LMAN2L: variants seen among roughly 807,000 people sequenced by gnomAD.
The protein encoded by LMAN2L is VIP36-like protein.
In LMAN2L, 30 loss-of-function variants were observed where a neutral mutation model predicts 44.3. That is an observed-to-expected ratio of 0.68 (90% CI 0.51 to 0.92). LMAN2L has a LOEUF of 0.92. Ranked by LOEUF, LMAN2L falls within the 40% of genes least tolerant of loss-of-function variation. The pLI, the probability that LMAN2L is intolerant of heterozygous loss-of-function variation, is 0.00. For synonymous variants in LMAN2L, 183 were observed against 171.1 expected (o/e 1.07, Z -0.54); for missense variants, 429 against 446.1 (o/e 0.96, Z 0.35).
chr2:96,720,711 C>T (rs1199180328), intron 4 of LMAN2L, among the ~76,000 whole-genome samples: 3 of 152,144 alleles, frequency 2.0e-5, no homozygotes, highest in Non-Finnish European at 2.9e-5. Flanking sequence ...GAGGCTGAGG[C>T]GGGCAAATCA....
intron 6 of LMAN2L, among the ~76,000 whole-genome samples, chr2:96,709,038 C>T (rs1354145659): frequency 6.6e-6 from 1 of 151,728 alleles, no homozygotes; most frequent in African/African-American, 2.4e-5. Flanking sequence ...CCTCAGCCTC[C>T]CAAGTAGCTG....
intron 4 of LMAN2L, among the ~76,000 whole-genome samples, chr2:96,719,131 T>C (rs2078099392): frequency 6.6e-6 from 1 of 152,220 alleles, no homozygotes; most frequent in South Asian, 2.1e-4. Flanking sequence ...ATTTCACTGC[T>C]GACCATCATT....
chr2:96,734,471 C>T lies in LMAN2L; in HGVS notation c.362G>A (p.Gly121Glu). 6.2e-7 allele frequency: 1 copy of T among 1,614,014 alleles called. No homozygotes were observed. The highest frequency in any genetic ancestry group is 8.5e-7 in the Non-Finnish European group (1 of 1,179,886). Reference protein sequence around the residue: ...LQVHFKIHGQGKKNLHGDGLA... With the variant: ...LQVHFKIHGQEKKNLHGDGLA... ...GCCATCCCCATGCAGATTCTTCTTTCCTTGTCCATGGATTTTGAAGTGCAC... is the reference window on the plus strand; with the variant it reads ...GCCATCCCCATGCAGATTCTTCTTTTCTTGTCCATGGATTTTGAAGTGCAC... Residue 121 changes from glycine to glutamate, a missense_variant, in exon 3 of 8, where the codon GGA becomes GAA. Physicochemically the swap from Gly to Glu is moderately conservative, Grantham distance 98. Coordinates refer to ENST00000264963, the MANE Select transcript of LMAN2L (RefSeq NM_030805.4).
chr2:96,707,091 A>G lies in LMAN2L; in HGVS notation c.*165T>C. ...CCAGAGTTAGATGTCCCCATGCACA[A>G]CCATGGGAATGCGGGGTCCCTGCAT... On this transcript the variant is annotated 3_prime_UTR_variant, in exon 8 of 8. Coordinates refer to ENST00000264963, the MANE Select transcript of LMAN2L (RefSeq NM_030805.4). 1 of 624,978 alleles carries G rather than the reference A, an allele frequency of 1.6e-6. No homozygotes were observed. The highest frequency in any genetic ancestry group is 2.9e-5 in the East Asian group (1 of 33,926). 38.7% of individuals were successfully genotyped at this position (624,978 alleles called of 1,614,324 possible). A position where few individuals can be genotyped will look rare whatever the true frequency, so the allele number is the denominator to read the frequency against.
intron 4 of LMAN2L, among the ~76,000 whole-genome samples, chr2:96,724,145 G>A (rs547496858): frequency 6.6e-6 from 1 of 151,990 alleles, no homozygotes; most frequent in African/African-American, 2.4e-5. Flanking sequence ...TAAATGTGAC[G>A]TTTTATTTCC....
rs758856751 is a variant in LMAN2L, at chr2:96,707,354, T to C, written c.949A>G (p.Ile317Val). The stretch of plus-strand genomic sequence containing the variant: ...GAAAACACCAGGGAGAAAAAGACGA[T>C]GAGGAAGAGGGCCAGGCCACTCAGG... Reference protein sequence around the residue: ...PPLSGLALFLIVFFSLVFSVF... With the variant: ...PPLSGLALFLVVFFSLVFSVF... Residue 317 changes from isoleucine to valine, a missense_variant, in exon 8 of 8, where the codon ATC (isoleucine) becomes GTC (valine). Coordinates refer to ENST00000264963, the MANE Select transcript of LMAN2L (RefSeq NM_030805.4). 1.9e-6 allele frequency: 3 copies of C among 1,613,440 alleles called. No individual in the cohort carries two copies. The East Asian group carries it at 6.7e-5, about 36-fold the overall frequency.
chr2:96,728,927 T>G (rs998667298), intron 4 of LMAN2L, among the ~76,000 whole-genome samples: 1 of 150,448 alleles, frequency 6.6e-6, no homozygotes, highest in African/African-American at 2.4e-5. Flanking sequence ...AATCTCAGCA[T>G]TTTGGGAGGC....
At chr2:96,725,033 G>A (rs925264109) in intron 4 of LMAN2L, among the ~76,000 whole-genome samples, 9 of 151,600 alleles carry the variant, frequency 5.9e-5, no homozygotes, top group African/African-American at 1.5e-4. Flanking sequence ...GGGTTTCACC[G>A]TGTTACCCAG....
chr2:96,731,305 T>C (rs1332469924), intron 4 of LMAN2L, among the ~76,000 whole-genome samples: 1 of 152,122 alleles, frequency 6.6e-6, no homozygotes, highest in East Asian at 1.9e-4. Flanking sequence ...CTGTAACTGA[T>C]CCACAACAAA....
At position 96,737,930 on chromosome 2, in the gene LMAN2L, G is replaced by T; in HGVS notation, c.306+19C>A. ...AGGCCTTTCTGGGTCACCAACACAG[G>T]AGGGAGAAAGATTCTTACCACCCGG... On this transcript the variant is annotated intron_variant, in intron 2 of 7. Coordinates refer to ENST00000264963, the MANE Select transcript of LMAN2L (RefSeq NM_030805.4). 6.5e-7 allele frequency: 1 copy of T among 1,537,052 alleles called. No individual in the cohort carries two copies. Among genetic ancestry groups the T allele is most frequent in the Non-Finnish European group, 9.0e-7 (1 of 1,109,922 alleles).
At chr2:96,721,233 G>A (rs1397146068) in intron 4 of LMAN2L, among the ~76,000 whole-genome samples, 1 of 151,574 alleles carries the variant, frequency 6.6e-6, no homozygotes, top group Non-Finnish European at 1.5e-5. Context: ...CATACAATGT[G>A]TGGGTCTTTT....
chr2:96,729,802 G>A lies in LMAN2L; in HGVS notation c.507+3717C>T, dbSNP rs1007767356. 2.6e-4 allele frequency among the ~76,000 whole-genome samples: 39 copies of A among 152,146 alleles called. 1 individual carries two copies. The highest frequency in any genetic ancestry group is 8.0e-4 in the African/African-American group (33 of 41,498). On this transcript the variant is annotated intron_variant, in intron 4 of 7. Coordinates refer to ENST00000264963, the MANE Select transcript of LMAN2L (RefSeq NM_030805.4). ...ATTACGGGTGTGAGCCACCGCGCCC[G>A]GCCTTAAATTTAGTTTTATAAGGAT...
In LMAN2L at chr2:96,739,897, G is replaced by A; in HGVS notation, c.144C>T (p.Phe48=). The A allele has an allele frequency of 6.2e-7, 1 of 1,613,998 alleles. No individual in the cohort carries two copies. Among genetic ancestry groups the A allele is most frequent in the South Asian group, 1.1e-5 (1 of 91,080 alleles). ...GCGAGTGCTCCCGTTTCAAGTACTC[G>A]AACGTTTGACCCGCCCCGACTTGCT... ...GPQQVGAGQT[F]EYLKREHSLS... is the part of the protein sequence containing the mutation. The change falls in exon 1 of 8, where the codon TTC becomes TTT. Residue 48 remains phenylalanine (F), a synonymous_variant. Transcript: ENST00000264963.
chr2:96,740,002 C>T lies in LMAN2L; in HGVS notation c.39G>A (p.Gln13=). The T allele has an allele frequency of 6.2e-7, 1 of 1,613,614 alleles. No homozygotes were observed. Among genetic ancestry groups the T allele is most frequent in the Middle Eastern group, 1.7e-4 (1 of 6,060 alleles). The change falls in exon 1 of 8, where the codon CAG becomes CAA. Residue 13 remains glutamine (Q), a synonymous_variant. Coordinates refer to ENST00000264963, the MANE Select transcript of LMAN2L (RefSeq NM_030805.4). ...ATLGPLGSWQ[Q]WRRCLSARDG... ...CCCGAGCCGACAAACATCGCCGCCA[C>T]TGCTGCCACGACCCAAGGGGTCCCA...
chr2:96,728,270 G>A lies in LMAN2L; in HGVS notation c.507+5249C>T, dbSNP rs796105674. 2.0e-5 allele frequency among the ~76,000 whole-genome samples: 3 copies of A among 150,294 alleles called. No individual in the cohort carries two copies. The South Asian group carries it at 6.3e-4, about 32-fold the overall frequency. ...TGGGAGACCGAGGCGGGCGGATCACGAGGTCAGGAGATCGAGAGGAGATCG... is the reference window on the plus strand; with the variant it reads ...TGGGAGACCGAGGCGGGCGGATCACAAGGTCAGGAGATCGAGAGGAGATCG... On this transcript the variant is annotated intron_variant, in intron 4 of 7. Coordinates refer to ENST00000264963, the MANE Select transcript of LMAN2L (RefSeq NM_030805.4).
rs2078599064 is a variant in LMAN2L, at chr2:96,739,910, G to A, written c.131C>T (p.Ala44Val). The A allele has an allele frequency of 2.5e-6, 4 of 1,613,960 alleles. No homozygotes were observed. Among genetic ancestry groups the A allele is most frequent in the Non-Finnish European group, 3.4e-6 (4 of 1,180,002 alleles). ...GSGQGPQQVG[A>V]GQTFEYLKRE... ...TTTCAAGTACTCGAACGTTTGACCC[G>A]CCCCGACTTGCTGTGGCCCCTGCCC... is the stretch of plus-strand genomic sequence containing the variant. Residue 44 changes from alanine to valine, a missense_variant, in exon 1 of 8, where the codon GCG becomes GTG. Ala to Val is a moderately conservative substitution (Grantham distance 64). Coordinates refer to ENST00000264963, the MANE Select transcript of LMAN2L (RefSeq NM_030805.4).
rs572650923 is a variant in LMAN2L, at chr2:96,714,970, A to C, written c.508-2945T>G. On this transcript the variant is annotated intron_variant, in intron 4 of 7. Transcript: ENST00000264963. ...GTTTGTTTTTTTGAGATGGAGTCTC[A>C]CTCTGTCACCCAGGCTGGAGTGCAG... Among the ~76,000 whole-genome samples, 3 of 152,116 alleles carry C rather than the reference A, an allele frequency of 2.0e-5. No individual in the cohort carries two copies. In the East Asian group the frequency reaches 5.8e-4, roughly 29 times the overall value.
At chr2:96,717,090 A>G (rs1480553369) in intron 4 of LMAN2L, among the ~76,000 whole-genome samples, 1 of 152,026 alleles carries the variant, frequency 6.6e-6, no homozygotes, top group East Asian at 1.9e-4. Context: ...TACATAAAAT[A>G]ACTTTTTTTT....
At position 96,711,761 on chromosome 2, in the gene LMAN2L, C is replaced by A; in HGVS notation, c.679G>T (p.Asp227Tyr). 6.2e-7 allele frequency: 1 copy of A among 1,614,072 alleles called. No homozygotes were observed. Among genetic ancestry groups the A allele is most frequent in the Non-Finnish European group, 8.5e-7 (1 of 1,179,910 alleles). ...YVKRHLTIMM[D>Y]IDGKHEWRDC... ...CTCCACTCATGCTTGCCATCAATAT[C>A]CATCATTATCTAGAATAAAAAGAGA... is the stretch of plus-strand genomic sequence containing the variant. The change falls in exon 6 of 8, where the codon GAT (aspartate) becomes TAT (tyrosine). Residue 227 changes from aspartate to tyrosine, a missense_variant. By Grantham distance (160) the Asp-to-Tyr change is radical. Transcript: ENST00000264963.
Sources: gnomAD v4.1 joint callset for allele counts (sites outside exome capture counted in the v4.1 genomes callset) on GRCh38, gnomAD v4.1.1 for gene constraint, MANE v1.5 for transcripts, NCBI Gene and HGNC (gene_info 2026-07-23, HGNC 2026-07-21) for gene names.